RNF167: variants seen among roughly 807,000 people sequenced by gnomAD.
The protein encoded by RNF167 is E3 ubiquitin-protein ligase RNF167.
RNF167 carries 19 observed loss-of-function variants against 34.8 expected under a neutral mutation model. The observed-to-expected ratio is 0.55, with a 90% CI of 0.38 to 0.80. The LOEUF is 0.80. RNF167 is among the 30% of genes least tolerant of loss of function. The pLI is 0.00. For missense variants in RNF167, 464 were observed against 447.0 expected (o/e 1.04, Z -0.34); for synonymous variants, 200 against 170.4 (o/e 1.17, Z -1.35).
At chr17:4,941,746 A>C (rs777085475) in intron 3 of RNF167, among the ~76,000 whole-genome samples, 4 of 152,080 alleles carry the variant, frequency 2.6e-5, no homozygotes, top group Non-Finnish European at 4.4e-5. Context: ...GAGAAACCCT[A>C]TCTCTACTAA....
Position 4,944,755 on chromosome 17 carries a change from C to A in RNF167, c.792C>A (p.Thr264=), listed in dbSNP as rs753705703. The A allele has an allele frequency of 6.2e-7, 1 of 1,613,302 alleles. No homozygotes were observed. The highest frequency in any genetic ancestry group is 8.5e-7 in the Non-Finnish European group (1 of 1,179,612). Reference sequence around the variant, plus strand: ...GCGTGGACCCCTGGCTCACTCAGACCCGGAAGACCTGCCCCATTTGCAAGC... The same window carrying A: ...GCGTGGACCCCTGGCTCACTCAGACACGGAAGACCTGCCCCATTTGCAAGC... ...SRCVDPWLTQ[T]RKTCPICKQP... The change falls in exon 10 of 10, where the codon ACC becomes ACA. Residue 264 remains threonine (T), a synonymous_variant. Coordinates refer to ENST00000262482, the MANE Select transcript of RNF167 (RefSeq NM_015528.3).
intron 3 of RNF167, 140 bp downstream of exon 3, chr17:4,941,297 A>G: frequency 1.4e-6 from 1 of 739,596 alleles, no homozygotes; most frequent in South Asian, 1.8e-5. Context: ...GAGGTAGGAA[A>G]ATGAAGTTAG....
chr17:4,943,138 T>G, intron 6 of RNF167, 41 bp from the exon 7 acceptor site: 2 of 1,567,888 alleles, frequency 1.3e-6, no homozygotes, highest in African/African-American at 2.7e-5. Flanking sequence ...TTTCTCCCTT[T>G]GCCTTTCTCG....
chr17:4,942,263 C>T (rs1809303663), intron 3 of RNF167, 78 bp from the exon 4 acceptor site: 1 of 1,518,260 alleles, frequency 6.6e-7, no homozygotes, highest in Non-Finnish European at 9.0e-7. Flanking sequence ...AGCATGTGGG[C>T]TGGTGTGTTT....
At chr17:4,941,974 G>A (rs1415505980) in intron 3 of RNF167, among the ~76,000 whole-genome samples, 1 of 152,168 alleles carries the variant, frequency 6.6e-6, no homozygotes, top group Non-Finnish European at 1.5e-5. Context: ...GTATGAGTAT[G>A]TGCTGGAGAG....
Position 4,940,619 on chromosome 17 carries a change from T to C in RNF167, c.-291T>C, listed in dbSNP as rs1394008039. 2.1e-5 allele frequency: 7 copies of C among 337,868 alleles called. 1 individual carries two copies. The highest frequency in any genetic ancestry group is 4.8e-5 in the Admixed American group (1 of 21,042). The allele number at this position is 337,868 out of a possible 1,614,324, so 20.9% of individuals were successfully genotyped here. A position where few individuals can be genotyped will look rare whatever the true frequency, so the allele number is the denominator to read the frequency against. On this transcript the variant is annotated 5_prime_UTR_variant, in exon 2 of 10. Transcript: ENST00000262482. The stretch of plus-strand genomic sequence containing the variant: ...CCACCTCCTTGAGCTCCGCCACCCT[T>C]CCCGAAGTTTTTCTGTCACCTGTGT...
intron 8 of RNF167, 102 bp from the exon 9 acceptor site, chr17:4,944,456 C>G (rs760617026): frequency 1.0e-5 from 15 of 1,500,830 alleles, no homozygotes; most frequent in African/African-American, 1.4e-5. Flanking sequence ...ATCTCTTCCA[C>G]TGGCTTTGTA....
rs1001421365 is a variant in RNF167, at chr17:4,944,804, G to A, written c.841G>A (p.Asp281Asn). The A allele has an allele frequency of 6.2e-7, 1 of 1,612,404 alleles. No individual in the cohort carries two copies. Among genetic ancestry groups the A allele is most frequent in the Non-Finnish European group, 8.5e-7 (1 of 1,179,110 alleles). Reference sequence around the variant, plus strand: ...GCAGCCTGTTCATCGGGGTCCTGGGGACGAAGACCAAGAGGAAGAAACTCA... The same window carrying A: ...GCAGCCTGTTCATCGGGGTCCTGGGAACGAAGACCAAGAGGAAGAAACTCA... ...CKQPVHRGPG[D>N]EDQEEETQGQ... Residue 281 changes from aspartate to asparagine, a missense_variant, in exon 10 of 10, where the codon GAC (aspartate) becomes AAC (asparagine). Coordinates refer to ENST00000262482, the MANE Select transcript of RNF167 (RefSeq NM_015528.3).
intron 8 of RNF167, among the ~76,000 whole-genome samples, chr17:4,944,093 G>A (rs1231209270): frequency 6.6e-5 from 10 of 152,216 alleles, no homozygotes; most frequent in African/African-American, 2.4e-4. Context: ...AGACGGGAGA[G>A]GAGATGGAAA....
chr17:4,942,291 G>A (rs752129054), intron 3 of RNF167, 50 bp from the exon 4 acceptor site: 1 of 1,601,680 alleles, frequency 6.2e-7, no homozygotes, highest in South Asian at 1.1e-5. Flanking sequence ...CCTGTAGAGA[G>A]CAGAATCTAG....
At position 4,945,160 on chromosome 17, in the gene RNF167, G is replaced by A. The variant is rs953170505; in HGVS notation, c.*144G>A. 11 of 683,354 alleles carry A rather than the reference G, an allele frequency of 1.6e-5. No homozygotes were observed. Among genetic ancestry groups the A allele is most frequent in the Non-Finnish European group, 1.9e-5 (8 of 429,164 alleles). The allele number at this position is 683,354 out of a possible 1,614,324, so 42.3% of individuals were successfully genotyped here. ...TTTGAGGGGCTTTGGGGTGGAGCTG[G>A]GGCAAGCAGAGGGACTGGGTCTTCA... On this transcript the variant is annotated 3_prime_UTR_variant, in exon 10 of 10. Transcript: ENST00000262482.
intron 3 of RNF167, 140 bp from the exon 4 acceptor site, chr17:4,942,201 G>A: frequency 1.1e-6 from 1 of 924,154 alleles, no homozygotes; most frequent in South Asian, 1.6e-5. Flanking sequence ...GTGATGGTGG[G>A]ATGCTCACTC....
In RNF167 at chr17:4,942,949, A is replaced by ATG. The variant is rs369693161; in HGVS notation, c.470+11_470+12dup. The ATG allele has an allele frequency of 2.2e-5, 35 of 1,611,498 alleles. 1 individual carries two copies. The highest frequency in any genetic ancestry group is 2.8e-5 in the Non-Finnish European group (33 of 1,177,854). On this transcript the variant is annotated intron_variant, in intron 6 of 9. Transcript: ENST00000262482. Reference sequence around the variant, plus strand: ...CTTTGTCTACGAGAAGGGGTAGGACATGTGCCTCCTTCCCATTCTTCCTTC... The same window carrying ATG: ...CTTTGTCTACGAGAAGGGGTAGGACATGTGTGCCTCCTTCCCATTCTTCCTTC...
rs894383788 is a variant in RNF167, at chr17:4,941,278, G to C, written c.165+121G>C. ...CTGGGGTTGGGGAGGTTTGTCCTGG[G>C]TGAAACTGGAGGTAGGAAAATGAAG... is the stretch of plus-strand genomic sequence containing the variant. On this transcript the variant is annotated intron_variant, in intron 3 of 9. Transcript: ENST00000262482. 5 of 856,124 alleles carry C rather than the reference G, an allele frequency of 5.8e-6. No individual in the cohort carries two copies. The African/African-American group carries it at 8.6e-5, about 15-fold the overall frequency. 53.0% of individuals were successfully genotyped at this position (856,124 alleles called of 1,614,324 possible). A position where few individuals can be genotyped will look rare whatever the true frequency, so the allele number is the denominator to read the frequency against.
intron 6 of RNF167, 69 bp downstream of exon 6, chr17:4,943,010 T>G (rs1044593955): frequency 1.8e-5 from 27 of 1,463,398 alleles, no homozygotes; most frequent in African/African-American, 1.3e-4. Flanking sequence ...AGCCCAGGCC[T>G]CCTCATTACC....
At chr17:4,940,200 A>G (rs1380913069), upstream of RNF167, 1 of 328,842 alleles carries the variant, frequency 3.0e-6, no homozygotes, top group African/African-American at 2.2e-5. Flanking sequence ...GAAAATAGAG[A>G]AGAGTTTGTT....
Position 4,944,552 on chromosome 17 carries a change from T to A in RNF167, c.671-6T>A. 6.3e-7 allele frequency: 1 copy of A among 1,577,334 alleles called. No homozygotes were observed. Among genetic ancestry groups the A allele is most frequent in the Non-Finnish European group, 8.6e-7 (1 of 1,160,096 alleles). ...GAAGGACTAGATTATTTTCTTTCTG[T>A]CCCAGGAGACCAGTATGATGTCTGT... On this transcript the variant is annotated splice_polypyrimidine_tract_variant and splice_region_variant and intron_variant, in intron 8 of 9. Transcript: ENST00000262482.
chr17:4,942,315 C>A (rs1970892869), intron 3 of RNF167, 26 bp from the exon 4 acceptor site: 1 of 1,610,598 alleles, frequency 6.2e-7, no homozygotes, highest in Non-Finnish European at 8.5e-7. Context: ...GGAGAAATCT[C>A]ACTGTTGTTT....
rs202124126 is a variant in RNF167, at chr17:4,944,054, TC to T, written c.671-503del. Among the ~76,000 whole-genome samples the T allele has an allele frequency of 1.2e-3, 187 of 152,326 alleles. 2 individuals carry two copies. The East Asian group carries it at 0.032, about 26-fold the overall frequency. On this transcript the variant is annotated intron_variant, in intron 8 of 9. Transcript: ENST00000262482. Reference sequence around the variant, plus strand: ...GGTTTCAGCTTGAGATGCTGTCTTTTCTTCTGTTTTTATGCATAAATACAAC... The same window carrying T: ...GGTTTCAGCTTGAGATGCTGTCTTTTTTCTGTTTTTATGCATAAATACAAC...
Sources: allele counts gnomAD v4.1 joint callset (sites outside exome capture counted in the v4.1 genomes callset), GRCh38; gene constraint gnomAD v4.1.1; transcripts MANE v1.5; gene names NCBI Gene and HGNC (gene_info 2026-07-23, HGNC 2026-07-21).